The following COL22A1 variants were observed in gnomAD, a reference collection of about 807,000 sequenced individuals.
COL22A1 encodes collagen type XXII alpha 1 chain, also known as collagen alpha-1(XXII) chain.
A neutral mutation model predicts 248.9 loss-of-function variants in COL22A1; 221 were observed. The observed-to-expected ratio is 0.89, with a 90% CI of 0.80 to 0.99. The LOEUF (loss-of-function observed/expected upper bound fraction) is 0.99. Among genes scored for constraint, COL22A1 ranks in the 50% least tolerant of loss-of-function variants. The pLI is 0.00. For synonymous variants in COL22A1, 891 were observed against 793.4 expected (o/e 1.12, Z -2.07); for missense variants, 2,240 against 2,179.0 (o/e 1.03, Z -0.56).
rs111440253 is a variant in COL22A1, at chr8:138,618,321, A to G, written c.3825+1134T>C. Among the ~76,000 whole-genome samples the G allele has an allele frequency of 4.3e-3, 660 of 152,272 alleles. 5 individuals carry two copies. The highest frequency in any genetic ancestry group is 0.014 in the African/African-American group (594 of 41,550). ...ACAAAGCTTTGTCCTGACTTATTCT[A>G]TGTCAGCCAGAGGAGCTTGGTCTTC... On this transcript the variant is annotated intron_variant, in intron 53 of 64. Transcript: ENST00000303045.
chr8:138,603,631 G>A (rs148595783), intron 59 of COL22A1, among the ~76,000 whole-genome samples: 1 of 152,238 alleles, frequency 6.6e-6, no homozygotes, highest in African/African-American at 2.4e-5. Context: ...CCTCAGAAAT[G>A]GGAGCTACGG....
chr8:138,802,707 C>T (rs1048143064), intron 11 of COL22A1, among the ~76,000 whole-genome samples, 165 bp downstream of exon 11: 3 of 152,122 alleles, frequency 2.0e-5, no homozygotes, highest in Non-Finnish European at 4.4e-5. Flanking sequence ...GGCCTCCATG[C>T]CCATGGAGAG....
intron 2 of COL22A1, among the ~76,000 whole-genome samples, chr8:138,878,994 C>T (rs981777318): frequency 1.5e-5 from 2 of 129,378 alleles, no homozygotes; most frequent in African/African-American, 2.7e-5. Flanking sequence ...GGCGACAGAG[C>T]GAGACTCTGT....
chr8:138,692,149 G>GTGT (rs1564201224), intron 35 of COL22A1, among the ~76,000 whole-genome samples: 1 of 2,242 alleles, frequency 4.5e-4, no homozygotes, highest in Non-Finnish European at 9.6e-4. Context: ...TGTTTGTGGT[G>GTGT]GTATGTGTAT....
At chr8:138,717,529 T>C (rs1284746467) in intron 27 of COL22A1, among the ~76,000 whole-genome samples, 1 of 152,122 alleles carries the variant, frequency 6.6e-6, no homozygotes, top group Admixed American at 6.5e-5. Flanking sequence ...AGTGATGCAG[T>C]CATAGCTCAT....
intron 45 of COL22A1, among the ~76,000 whole-genome samples, chr8:138,654,668 G>T (rs1271589330): frequency 6.6e-6 from 1 of 152,150 alleles, no homozygotes; most frequent in East Asian, 1.9e-4. Flanking sequence ...TCTTTCTGAA[G>T]TATAGACCTT....
intron 47 of COL22A1, among the ~76,000 whole-genome samples, chr8:138,644,681 T>C (rs1316155116): frequency 6.6e-6 from 1 of 152,196 alleles, no homozygotes; most frequent in East Asian, 1.9e-4. Context: ...AATGCTGCCA[T>C]TTTTTGAACA....
intron 41 of COL22A1, among the ~76,000 whole-genome samples, chr8:138,667,631 C>T (rs1028127151): frequency 7.2e-5 from 11 of 152,136 alleles, no homozygotes; most frequent in African/African-American, 2.7e-4. Context: ...TTATATTCTG[C>T]CTTCCATATG....
intron 4 of COL22A1, among the ~76,000 whole-genome samples, chr8:138,839,621 T>C (rs1361298465): frequency 1.3e-5 from 2 of 151,824 alleles, no homozygotes; most frequent in Non-Finnish European, 2.9e-5. Context: ...GTGAGTGAGA[T>C]GAGGGCAGGT....
chr8:138,856,530 GAA>G (rs1335983042), intron 3 of COL22A1, among the ~76,000 whole-genome samples: 1 of 151,882 alleles, frequency 6.6e-6, no homozygotes, highest in African/African-American at 2.4e-5. Flanking sequence ...GAAAGCAAGA[GAA>G]AGAGAGACAG....
At chr8:138,832,221 G>A (rs535355526) in intron 5 of COL22A1, among the ~76,000 whole-genome samples, 1 of 152,146 alleles carries the variant, frequency 6.6e-6, no homozygotes, top group East Asian at 1.9e-4. Context: ...CATAAAAATG[G>A]GCAGTCAGCA....
In COL22A1 at chr8:138,690,878, T is replaced by C. The variant is rs368950630; in HGVS notation, c.2755-4A>G. ...CACCGACATGTCCGGGAGCACCCTG[T>C]TCAGAGACAGAAGTTTAGAAAGGCC... On this transcript the variant is annotated splice_region_variant and splice_polypyrimidine_tract_variant and intron_variant, in intron 35 of 64. Coordinates refer to ENST00000303045, the MANE Select transcript of COL22A1 (RefSeq NM_152888.3). 37 of 1,607,206 alleles carry C rather than the reference T, an allele frequency of 2.3e-5. No homozygotes were observed. The African/African-American group carries it at 4.2e-4, about 18-fold the overall frequency.
chr8:138,772,939 T>C (rs1741929066), intron 16 of COL22A1, among the ~76,000 whole-genome samples: 1 of 152,162 alleles, frequency 6.6e-6, no homozygotes, highest in Non-Finnish European at 1.5e-5. Flanking sequence ...TGTTTCTCCA[T>C]TAGGCAGAGG....
chr8:138,729,366 A>T (rs753658142), intron 23 of COL22A1, among the ~76,000 whole-genome samples: 11 of 152,166 alleles, frequency 7.2e-5, no homozygotes, highest in Non-Finnish European at 1.5e-4. Context: ...TAGGGCTCTA[A>T]ATATGGGTTT....
chr8:138,619,398 G>C (rs1819578565), intron 53 of COL22A1, 57 bp downstream of exon 53: 3 of 1,520,578 alleles, frequency 2.0e-6, no homozygotes, highest in Non-Finnish European at 2.7e-6. Flanking sequence ...ACAGTGGTGA[G>C]AGCCATGTAG....
chr8:138,693,354 A>T (rs1218686013), intron 35 of COL22A1, among the ~76,000 whole-genome samples: 1 of 152,154 alleles, frequency 6.6e-6, no homozygotes, highest in Non-Finnish European at 1.5e-5. Context: ...CACTTCTTGG[A>T]GTAACAACCT....
Position 138,630,871 on chromosome 8 carries a change from G to T in COL22A1, c.3610-123C>A, listed in dbSNP as rs144938987. 92 of 851,540 alleles carry T rather than the reference G, an allele frequency of 1.1e-4. 1 individual carries two copies. In the East Asian group the frequency reaches 2.2e-3, roughly 20 times the overall value. 52.7% of individuals were successfully genotyped at this position (851,540 alleles called of 1,614,324 possible). On this transcript the variant is annotated intron_variant, in intron 49 of 64. Transcript: ENST00000303045. ...ATCTGTCCCCTCCAAATCTCATGTT[G>T]AAATGTGATTCCCAATATTGTAGGT... is the stretch of plus-strand genomic sequence containing the variant.
intron 4 of COL22A1, among the ~76,000 whole-genome samples, chr8:138,840,534 T>TACACACACACAC (rs34512818): frequency 6.7e-6 from 1 of 149,056 alleles, no homozygotes; most frequent in Admixed American, 6.7e-5. Context: ...CATGTGTGAG[T>TACACACACACAC]ACACACACAC....
At chr8:138,790,869 C>T (rs866743367) in intron 12 of COL22A1, among the ~76,000 whole-genome samples, 7 of 136,880 alleles carry the variant, frequency 5.1e-5, no homozygotes, top group African/African-American at 2.1e-4. Context: ...CCCTACCCTC[C>T]TATTTACTCT....
Sources: allele counts gnomAD v4.1 joint callset (sites outside exome capture counted in the v4.1 genomes callset), GRCh38; gene constraint gnomAD v4.1.1; transcripts MANE v1.5; gene names NCBI Gene and HGNC (gene_info 2026-07-23, HGNC 2026-07-21).